Variants in SLC1A1 observed in about 807,000 individuals in gnomAD.
The protein encoded by SLC1A1 is excitatory amino acid transporter 3.
Under a neutral mutation model 53.3 loss-of-function variants are expected in SLC1A1, and 43 were observed. That is an observed-to-expected ratio of 0.81 (90% CI 0.63 to 1.04). SLC1A1 has a LOEUF of 1.04. Ranked by LOEUF, SLC1A1 falls within the 50% of genes least tolerant of loss-of-function variation. The probability of loss-of-function intolerance (pLI) is 0.00; values close to 1 mark genes in which losing one functional copy is unlikely to be tolerated. For synonymous variants in SLC1A1, 307 were observed against 243.2 expected, an observed-to-expected ratio of 1.26 and a Z score of -2.44; for missense variants, 748 against 664.9, an observed-to-expected ratio of 1.12 and a Z score of -1.37.
intron 1 of SLC1A1, among the ~76,000 whole-genome samples, chr9:4,536,134 G>T (rs1259492855): frequency 2.0e-5 from 3 of 152,112 alleles, no homozygotes; most frequent in Non-Finnish European, 4.4e-5. Context: ...ATCGGCATGG[G>T]CAAGGACTTC....
At chr9:4,569,135 C>T (rs1205517917) in intron 6 of SLC1A1, among the ~76,000 whole-genome samples, 1 of 152,066 alleles carries the variant, frequency 6.6e-6, no homozygotes, top group Non-Finnish European at 1.5e-5. Context: ...TAGAGCTGGC[C>T]ATCTCTAGAA....
At chr9:4,525,370 T>C (rs1202378396) in intron 1 of SLC1A1, among the ~76,000 whole-genome samples, 1 of 152,072 alleles carries the variant, frequency 6.6e-6, no homozygotes, top group Non-Finnish European at 1.5e-5. Flanking sequence ...AAAATTAATA[T>C]GAAAACTGTC....
Position 4,574,027 on chromosome 9 carries a change from C to T in SLC1A1, c.875+13C>T. 1.9e-6 allele frequency: 3 copies of T among 1,551,800 alleles called. No individual in the cohort carries two copies. The highest frequency in any genetic ancestry group is 2.7e-6 in the Non-Finnish European group (3 of 1,123,202). On this transcript the variant is annotated intron_variant, in intron 8 of 11. Transcript: ENST00000262352. ...CAGTCCTGACTGGGTATGTCAGACTCAAGAGAAGAGACAGAAACCTCCTTT... is the reference window on the plus strand; with the variant it reads ...CAGTCCTGACTGGGTATGTCAGACTTAAGAGAAGAGACAGAAACCTCCTTT...
intron 1 of SLC1A1, among the ~76,000 whole-genome samples, chr9:4,518,764 C>T (rs950447791): frequency 1.3e-5 from 2 of 152,140 alleles, no homozygotes; most frequent in Admixed American, 1.3e-4. Context: ...ACTGATGGCT[C>T]CACTCCCTGA....
intron 1 of SLC1A1, among the ~76,000 whole-genome samples, chr9:4,532,348 C>T (rs1240878192): frequency 6.6e-6 from 1 of 151,942 alleles, no homozygotes; most frequent in African/African-American, 2.4e-5. Flanking sequence ...CTAGAATAAC[C>T]AATGCAGAGA....
chr9:4,521,244 T>C (rs1586708484), intron 1 of SLC1A1, among the ~76,000 whole-genome samples: 1 of 152,228 alleles, frequency 6.6e-6, no homozygotes, highest in East Asian at 1.9e-4. Context: ...AAATTTTTAA[T>C]TTTTTTCTGC....
chr9:4,504,522 A>T (rs547518231), intron 1 of SLC1A1, among the ~76,000 whole-genome samples: 122 of 152,352 alleles, frequency 8.0e-4, no homozygotes, highest in South Asian at 6.0e-3. Context: ...TTAATTGTCA[A>T]CCAGGAGATG....
intron 1 of SLC1A1, among the ~76,000 whole-genome samples, chr9:4,542,649 T>C (rs1817117371): frequency 6.6e-6 from 1 of 152,224 alleles, no homozygotes; most frequent in African/African-American, 2.4e-5. Context: ...ATATTTGTTT[T>C]TTAAAGTCCT....
chr9:4,571,390 T>A (rs1309857850), intron 6 of SLC1A1, among the ~76,000 whole-genome samples: 1 of 152,126 alleles, frequency 6.6e-6, no homozygotes, highest in Admixed American at 6.6e-5. Context: ...TTTAAAAAAA[T>A]CCTGGCTGGG....
chr9:4,565,425 T>A (rs528633974), intron 4 of SLC1A1, among the ~76,000 whole-genome samples: 15 of 152,254 alleles, frequency 9.9e-5, no homozygotes, highest in Non-Finnish European at 2.2e-4. Flanking sequence ...TAAGTCACAG[T>A]TCCTCACGGC....
chr9:4,491,139 C>A (rs965023993), intron 1 of SLC1A1, among the ~76,000 whole-genome samples: 3 of 152,204 alleles, frequency 2.0e-5, no homozygotes, highest in Non-Finnish European at 4.4e-5. Flanking sequence ...CCTATCACCG[C>A]CACCTTCCTC....
In SLC1A1 at chr9:4,513,292, G is replaced by A. The variant is rs143632626; in HGVS notation, c.91+22522G>A. ...TACAGACTGGGAGAAAAGAATTGCA[G>A]ATCATATATCCAACTTGTCTAAATT... is the stretch of plus-strand genomic sequence containing the variant. On this transcript the variant is annotated intron_variant, in intron 1 of 11. Transcript: ENST00000262352. Among the ~76,000 whole-genome samples, 887 of 152,282 alleles carry A rather than the reference G, an allele frequency of 5.8e-3. 6 individuals carry two copies. Among genetic ancestry groups the A allele is most frequent in the Non-Finnish European group, 8.5e-3 (577 of 68,014 alleles).
intron 1 of SLC1A1, among the ~76,000 whole-genome samples, chr9:4,533,705 C>T (rs1490873671): frequency 4.6e-5 from 7 of 152,146 alleles, no homozygotes; most frequent in Non-Finnish European, 7.3e-5. Flanking sequence ...AGCTCTGCAC[C>T]AAGCAGACCT....
intron 1 of SLC1A1, among the ~76,000 whole-genome samples, chr9:4,543,948 G>T (rs1251059181): frequency 6.6e-6 from 1 of 152,212 alleles, no homozygotes; most frequent in Non-Finnish European, 1.5e-5. Context: ...GGAAGTCGAG[G>T]TGGGCAGATC....
chr9:4,494,201 T>C (rs1820331732), intron 1 of SLC1A1, among the ~76,000 whole-genome samples: 1 of 152,170 alleles, frequency 6.6e-6, no homozygotes, highest in Non-Finnish European at 1.5e-5. Context: ...TGAAGAGTCC[T>C]TGGGATTTGA....
At chr9:4,536,863 A>G (rs1318389729) in intron 1 of SLC1A1, among the ~76,000 whole-genome samples, 1 of 152,164 alleles carries the variant, frequency 6.6e-6, no homozygotes, top group East Asian at 1.9e-4. Context: ...CTATGCAGCC[A>G]TAAAAAATGA....
At chr9:4,540,111 G>T (rs1349393703) in intron 1 of SLC1A1, among the ~76,000 whole-genome samples, 1 of 152,090 alleles carries the variant, frequency 6.6e-6, no homozygotes, top group East Asian at 1.9e-4. Flanking sequence ...CAACAGCAGA[G>T]AAAGGAGAAG....
intron 1 of SLC1A1, among the ~76,000 whole-genome samples, chr9:4,491,035 T>A (rs995272978): frequency 2.0e-5 from 3 of 152,180 alleles, no homozygotes; most frequent in African/African-American, 7.2e-5. Context: ...TCAAAGGGGC[T>A]TGGGGGTAGA....
intron 1 of SLC1A1, among the ~76,000 whole-genome samples, chr9:4,543,604 C>T (rs1178174597): frequency 6.6e-6 from 1 of 152,144 alleles, no homozygotes; most frequent in Non-Finnish European, 1.5e-5. Flanking sequence ...CCTACACTCA[C>T]ATAATTATAA....
Sources: allele counts gnomAD v4.1 joint callset (sites outside exome capture counted in the v4.1 genomes callset), GRCh38; gene constraint gnomAD v4.1.1; transcripts MANE v1.5; gene names NCBI Gene and HGNC (gene_info 2026-07-23, HGNC 2026-07-21).